Variants in CXXC5 observed in about 807,000 individuals in gnomAD.
CXXC5 encodes the protein CXXC-type zinc finger protein 5.
Under a neutral mutation model 17.6 loss-of-function variants are expected in CXXC5, and 2 were observed. That is an observed-to-expected ratio of 0.11 (90% CI 0.05 to 0.36). The LOEUF (loss-of-function observed/expected upper bound fraction) is 0.36, where lower values mean the gene tolerates loss of function less well. CXXC5 is among the 10% of genes least tolerant of loss of function. CXXC5 has a pLI of 1.00. For synonymous variants in CXXC5, 171 were observed against 193.0 expected (o/e 0.89, Z 0.94); for missense variants, 343 against 458.3 (o/e 0.75, Z 2.30).
chr5:139,682,768 C>T (rs1014751092), intron 2 of CXXC5, 95 bp from the exon 3 acceptor site: 4 of 1,279,746 alleles, frequency 3.1e-6, no homozygotes, highest in South Asian at 1.6e-5. Context: ...CCTGTCCCTC[C>T]GCCATGAGGC....
At chr5:139,671,595 T>C (rs1431809476) in intron 1 of CXXC5, among the ~76,000 whole-genome samples, 1 of 152,164 alleles carries the variant, frequency 6.6e-6, no homozygotes, top group Non-Finnish European at 1.5e-5. Context: ...CCGGAGCCGG[T>C]TTCCGTCCCG....
chr5:139,671,587 G>A (rs956786120), intron 1 of CXXC5, among the ~76,000 whole-genome samples: 1 of 152,228 alleles, frequency 6.6e-6, no homozygotes, highest in Admixed American at 6.5e-5. Context: ...GGAGGAGGCC[G>A]GAGCCGGTTT....
chr5:139,656,521 G>A (rs1581571196), intron 1 of CXXC5, among the ~76,000 whole-genome samples: 2 of 152,342 alleles, frequency 1.3e-5, no homozygotes, highest in South Asian at 4.1e-4. Context: ...TGCAGGCAGG[G>A]CCGTGCCTCC....
chr5:139,679,124 C>A (rs1032310381), intron 1 of CXXC5, among the ~76,000 whole-genome samples: 5 of 152,220 alleles, frequency 3.3e-5, no homozygotes, highest in African/African-American at 9.6e-5. Flanking sequence ...TCAGTGCCAG[C>A]CTGCCCCAGC....
At chr5:139,659,914 G>A (rs1755694638) in intron 1 of CXXC5, among the ~76,000 whole-genome samples, 3 of 152,346 alleles carry the variant, frequency 2.0e-5, no homozygotes, top group Admixed American at 1.3e-4. Flanking sequence ...GGGAAGGCAG[G>A]GAGGAGGCGC....
intron 1 of CXXC5, among the ~76,000 whole-genome samples, chr5:139,653,597 C>CCT: frequency 6.6e-6 from 1 of 152,274 alleles, no homozygotes; most frequent in South Asian, 2.1e-4. Flanking sequence ...ACCCCACAGT[C>CCT]CTCTGTATGT....
At chr5:139,673,963 CA>C (rs780981950) in intron 1 of CXXC5, among the ~76,000 whole-genome samples, 8 of 152,004 alleles carry the variant, frequency 5.3e-5, no homozygotes, top group Non-Finnish European at 1.2e-4. Context: ...GTAAGAGGGT[CA>C]GGGGTGTGGA....
In CXXC5 at chr5:139,658,948, C is replaced by T. The variant is rs908280734; in HGVS notation, c.-161+10103C>T. 1.3e-5 allele frequency among the ~76,000 whole-genome samples: 2 copies of T among 152,206 alleles called. No homozygotes were observed. Among genetic ancestry groups the T allele is most frequent in the African/African-American group, 4.8e-5 (2 of 41,454 alleles). ...ATTCTGTTTGGAGTCATCCTAATGC[C>T]TCCAGAAGCCTGGGAGGGCTCAATT... is the stretch of plus-strand genomic sequence containing the variant. On this transcript the variant is annotated intron_variant, in intron 1 of 2. Transcript: ENST00000302517. The surrounding 1 kb of genome is among the most constrained non-coding windows in gnomAD (Gnocchi z 4.1).
rs1183048852 is a variant in CXXC5 at position 139,668,083 on chromosome 5, C to T, written c.-160-12281C>T. On this transcript the variant is annotated intron_variant, in intron 1 of 2. Coordinates refer to ENST00000302517, the MANE Select transcript of CXXC5 (RefSeq NM_016463.9). This position sits in a 1 kb window ranked among gnomAD's most constrained non-coding sequence, Gnocchi z 4.1. ...CCCTTCCTGGGCTGGGCCTGCGGCA[C>T]CCTCCCCAACCTCAGGTAGGGGGCC... Among the ~76,000 whole-genome samples, 5 of 152,078 alleles carry T rather than the reference C, an allele frequency of 3.3e-5. No homozygotes were observed. Among genetic ancestry groups the T allele is most frequent in the Non-Finnish European group, 7.4e-5 (5 of 67,988 alleles).
At chr5:139,673,853 AAAG>A (rs1166809451) in intron 1 of CXXC5, among the ~76,000 whole-genome samples, 2 of 146,390 alleles carry the variant, frequency 1.4e-5, no homozygotes, top group Non-Finnish European at 3.0e-5. Flanking sequence ...AAAAAAAAAA[AAAG>A]AGAGAGAGAA....
intron 1 of CXXC5, among the ~76,000 whole-genome samples, chr5:139,667,616 A>G (rs1289075385): frequency 2.0e-5 from 3 of 152,008 alleles, no homozygotes; most frequent in Non-Finnish European, 4.4e-5. Context: ...AGGCTTCCTT[A>G]GGCCCTGCAG....
rs576339445 is a variant in CXXC5 at position 139,674,167 on chromosome 5, C to T, written c.-160-6197C>T. Among the ~76,000 whole-genome samples the T allele has an allele frequency of 4.9e-4, 75 of 152,278 alleles. 1 individual carries two copies. Among genetic ancestry groups the T allele is most frequent in the Non-Finnish European group, 2.1e-4 (14 of 68,022 alleles). ...CTCTCCGCCTGGGGCTGCGTTTCTCCCTGCCTCCAAGACCAGTCTCCCTGG... is the reference window on the plus strand; with the variant it reads ...CTCTCCGCCTGGGGCTGCGTTTCTCTCTGCCTCCAAGACCAGTCTCCCTGG... On this transcript the variant is annotated intron_variant, in intron 1 of 2. Coordinates refer to ENST00000302517, the MANE Select transcript of CXXC5 (RefSeq NM_016463.9).
intron 1 of CXXC5, among the ~76,000 whole-genome samples, chr5:139,671,517 T>C (rs1222871770): frequency 6.6e-6 from 1 of 152,064 alleles, no homozygotes; most frequent in Non-Finnish European, 1.5e-5. Flanking sequence ...GGGTGGCGGG[T>C]TGGGGCAGGC....
rs1301385901 is a variant in CXXC5, at chr5:139,663,713, C to T, written c.-161+14868C>T. Reference sequence around the variant, plus strand: ...CCCAACACGCCTGGCCTGACTTGTCCGTGACGTTCACACTTATGCTGGCAG... The same window carrying T: ...CCCAACACGCCTGGCCTGACTTGTCTGTGACGTTCACACTTATGCTGGCAG... On this transcript the variant is annotated intron_variant, in intron 1 of 2. Coordinates refer to ENST00000302517, the MANE Select transcript of CXXC5 (RefSeq NM_016463.9). This position sits in a 1 kb window ranked among gnomAD's most constrained non-coding sequence, Gnocchi z 4.2. 1.3e-5 allele frequency among the ~76,000 whole-genome samples: 2 copies of T among 152,170 alleles called. No individual in the cohort carries two copies. Among genetic ancestry groups the T allele is most frequent in the South Asian group, 2.1e-4 (1 of 4,832 alleles).
chr5:139,653,053 G>A (rs1266040331), intron 1 of CXXC5, among the ~76,000 whole-genome samples: 1 of 152,096 alleles, frequency 6.6e-6, no homozygotes, highest in Non-Finnish European at 1.5e-5. Flanking sequence ...TTGAGGCCCT[G>A]AATGTGTGTG....
chr5:139,671,699 G>A (rs1178362819), intron 1 of CXXC5, among the ~76,000 whole-genome samples: 1 of 152,246 alleles, frequency 6.6e-6, no homozygotes, highest in Non-Finnish European at 1.5e-5. Context: ...CTTTTCCAGG[G>A]CCTTGGGGTA....
chr5:139,666,751 T>C (rs1756135389), intron 1 of CXXC5, among the ~76,000 whole-genome samples: 1 of 152,142 alleles, frequency 6.6e-6, no homozygotes, highest in African/African-American at 2.4e-5. Context: ...CCACTTGAAG[T>C]GGTGCTGGCT....
In CXXC5 at chr5:139,681,063, C is replaced by T. The variant is rs1757191113; in HGVS notation, c.540C>T (p.Leu180=). The T allele has an allele frequency of 1.2e-6, 2 of 1,612,172 alleles. No individual in the cohort carries two copies. Among genetic ancestry groups the T allele is most frequent in the Middle Eastern group, 1.6e-4 (1 of 6,084 alleles). ...EMLKRVVQEH[L]PLMSEAGAGL... ...TGAAGCGCGTGGTGCAGGAGCATCT[C>T]CCGCTGATGAGCGAGGCGGGTGCTG... The change falls in exon 2 of 3, where the codon CTC becomes CTT. Residue 180 remains leucine, a synonymous_variant. Transcript: ENST00000302517.
chr5:139,673,449 GC>G (rs1756590534), intron 1 of CXXC5, among the ~76,000 whole-genome samples: 1 of 152,178 alleles, frequency 6.6e-6, no homozygotes, highest in African/African-American at 2.4e-5. Flanking sequence ...AGTCCCTAGA[GC>G]CCCAGGTCAG....
Sources: gnomAD v4.1 joint callset for allele counts (sites outside exome capture counted in the v4.1 genomes callset) on GRCh38, gnomAD v4.1.1 for gene constraint, Gnocchi (gnomAD v3.1) non-coding constraint, MANE v1.5 for transcripts, NCBI Gene and HGNC (gene_info 2026-07-23, HGNC 2026-07-21) for gene names.